LRRIQ1: variants seen among roughly 807,000 people sequenced by gnomAD.
LRRIQ1 encodes leucine-rich repeat- and IQ domain-containing protein 1.
LRRIQ1 carries 210 observed loss-of-function variants against 211.9 expected under a neutral mutation model. The observed-to-expected ratio is 0.99, with a 90% CI of 0.89 to 1.11. The LOEUF (loss-of-function observed/expected upper bound fraction) is 1.11, where lower values mean the gene tolerates loss of function less well. Among genes scored for constraint, LRRIQ1 ranks in the 50% most tolerant of loss-of-function variants. The pLI is 0.00. For synonymous variants in LRRIQ1, 699 were observed against 650.1 expected, an observed-to-expected ratio of 1.08 and a Z score of -1.14; for missense variants, 2,136 against 1,939.5, an observed-to-expected ratio of 1.10 and a Z score of -1.90.
At chr12:85,074,791 G>C (rs1001526262) in intron 11 of LRRIQ1, among the ~76,000 whole-genome samples, 2 of 152,004 alleles carry the variant, frequency 1.3e-5, no homozygotes, top group African/African-American at 4.8e-5. Flanking sequence ...CCACATGATT[G>C]TTAAAGTTTA....
intron 10 of LRRIQ1, among the ~76,000 whole-genome samples, chr12:85,070,965 A>C (rs1246633647): frequency 6.6e-6 from 1 of 151,964 alleles, no homozygotes. Flanking sequence ...TTATAAAATC[A>C]TTTGAAATAG....
intron 11 of LRRIQ1, among the ~76,000 whole-genome samples, chr12:85,091,926 G>A (rs985053289): frequency 2.0e-5 from 3 of 152,156 alleles, no homozygotes; most frequent in African/African-American, 7.2e-5. Flanking sequence ...ATGAGTGGTA[G>A]GCAAGTGAGT....
chr12:85,214,464 C>T (rs890336487), intron 24 of LRRIQ1, among the ~76,000 whole-genome samples: 2 of 152,004 alleles, frequency 1.3e-5, no homozygotes, highest in Non-Finnish European at 2.9e-5. Flanking sequence ...AAAACTGCAT[C>T]ATATAAGACA....
chr12:85,072,773 T>A (rs1022587955), intron 10 of LRRIQ1, 134 bp from the exon 11 acceptor site: 1 of 461,236 alleles, frequency 2.2e-6, no homozygotes, highest in Non-Finnish European at 3.6e-6. Flanking sequence ...AGTTTAGACA[T>A]TTATTTTTAT....
At chr12:85,104,740 A>G (rs1886647569) in intron 14 of LRRIQ1, among the ~76,000 whole-genome samples, 1 of 151,986 alleles carries the variant, frequency 6.6e-6, no homozygotes, top group Admixed American at 6.6e-5. Flanking sequence ...TATGAATACA[A>G]AGTTCCTATG....
chr12:85,201,486 A>T (rs1278579373), intron 24 of LRRIQ1, among the ~76,000 whole-genome samples: 1 of 151,984 alleles, frequency 6.6e-6, no homozygotes, highest in Non-Finnish European at 1.5e-5. Flanking sequence ...GTCTCTTTAG[A>T]GATTCAGTTT....
At chr12:85,086,871 G>A (rs566598546) in intron 11 of LRRIQ1, among the ~76,000 whole-genome samples, 2 of 151,960 alleles carry the variant, frequency 1.3e-5, no homozygotes, top group East Asian at 1.9e-4. Context: ...TAGAAGCCCA[G>A]ACTGCCTTAC....
chr12:85,218,748 T>A (rs1238526630), intron 24 of LRRIQ1, among the ~76,000 whole-genome samples: 1 of 152,094 alleles, frequency 6.6e-6, no homozygotes, highest in Admixed American at 6.6e-5. Context: ...CCATGGCTAC[T>A]GGGTAGTTCT....
At position 85,242,223 on chromosome 12, in the gene LRRIQ1, T is replaced by G. The variant is rs559212991; in HGVS notation, c.5017-2566T>G. ...TTTTGGAATCCAACATACGTTTTTG[T>G]AGAATAAATGTCGAATGTGTGATCA... On this transcript the variant is annotated intron_variant, in intron 26 of 26. Coordinates refer to ENST00000393217, the MANE Select transcript of LRRIQ1 (RefSeq NM_001079910.2). Among the ~76,000 whole-genome samples the G allele has an allele frequency of 1.4e-4, 22 of 152,136 alleles. No homozygotes were observed. In the South Asian group the frequency reaches 3.7e-3, roughly 26 times the overall value.
chr12:85,092,120 A>C (rs1026846703), intron 11 of LRRIQ1, among the ~76,000 whole-genome samples: 1 of 152,200 alleles, frequency 6.6e-6, no homozygotes, highest in African/African-American at 2.4e-5. Context: ...GCAAATACAG[A>C]TTAACATTTG....
intron 24 of LRRIQ1, among the ~76,000 whole-genome samples, chr12:85,221,202 T>TA (rs1287025431): frequency 1.2e-4 from 18 of 152,282 alleles, no homozygotes; most frequent in African/African-American, 3.9e-4. Context: ...TTATAATAAT[T>TA]AAATTAATCA....
chr12:85,189,601 G>A (rs1892390652), intron 24 of LRRIQ1, among the ~76,000 whole-genome samples: 1 of 151,642 alleles, frequency 6.6e-6, no homozygotes. Context: ...CTCAGCCTCT[G>A]AAAGTCACCA....
At chr12:85,213,094 A>G (rs1484485558) in intron 24 of LRRIQ1, among the ~76,000 whole-genome samples, 1 of 151,848 alleles carries the variant, frequency 6.6e-6, no homozygotes, top group East Asian at 1.9e-4. Context: ...AAAAAATCCA[A>G]GAAACAAACT....
intron 24 of LRRIQ1, among the ~76,000 whole-genome samples, chr12:85,205,236 TC>T (rs1477350522): frequency 6.6e-6 from 1 of 152,168 alleles, no homozygotes; most frequent in Non-Finnish European, 1.5e-5. Context: ...CAATTAAACC[TC>T]TTTCTTTTGT....
At chr12:85,152,785 T>G (rs183918001) in intron 20 of LRRIQ1, among the ~76,000 whole-genome samples, 1 of 151,748 alleles carries the variant, frequency 6.6e-6, no homozygotes, top group African/African-American at 2.4e-5. Flanking sequence ...TTTCTGAGAT[T>G]TTTAAAGATC....
At position 85,055,986 on chromosome 12, in the gene LRRIQ1, G is replaced by C; in HGVS notation, c.1193G>C (p.Ser398Thr). 6.2e-7 allele frequency: 1 copy of C among 1,609,772 alleles called. No homozygotes were observed. Among genetic ancestry groups the C allele is most frequent in the Non-Finnish European group, 8.5e-7 (1 of 1,178,202 alleles). ...GCAAGCCAACAGCTAATAATAAGTA[G>C]TGCATTAAAGAAGAGCGGATATAAT... is the stretch of plus-strand genomic sequence containing the variant. ...EDASQQLIIS[S>T]ALKKSGYNNK... The change falls in exon 8 of 27, where the codon AGT (serine) becomes ACT (threonine). Residue 398 changes from serine (S) to threonine (T), a missense_variant. Ser to Thr is a moderately conservative substitution (Grantham distance 58). Coordinates refer to ENST00000393217, the MANE Select transcript of LRRIQ1 (RefSeq NM_001079910.2).
intron 19 of LRRIQ1, among the ~76,000 whole-genome samples, chr12:85,141,744 G>A (rs752745200): frequency 6.6e-6 from 1 of 150,808 alleles, no homozygotes; most frequent in African/African-American, 2.4e-5. Context: ...AGAGTATTTA[G>A]ACTGTTTTAA....
chr12:85,230,528 TA>T (rs1356519270), intron 25 of LRRIQ1, among the ~76,000 whole-genome samples: 2 of 152,126 alleles, frequency 1.3e-5, no homozygotes, highest in African/African-American at 4.8e-5. Flanking sequence ...TTCCAATCTC[TA>T]AGTACAGCCA....
At chr12:85,153,588 A>G (rs1890365360) in intron 21 of LRRIQ1, 75 bp from the exon 22 acceptor site, 1 of 901,700 alleles carries the variant, frequency 1.1e-6, no homozygotes. Context: ...GAGACAACAT[A>G]AACAGTTTGT....
Sources: gnomAD v4.1 joint callset for allele counts (sites outside exome capture counted in the v4.1 genomes callset) on GRCh38, gnomAD v4.1.1 for gene constraint, MANE v1.5 for transcripts, NCBI Gene and HGNC (gene_info 2026-07-23, HGNC 2026-07-21) for gene names.